The following THRB variants were observed in gnomAD, a reference collection of about 807,000 sequenced individuals.
THRB encodes the protein nuclear receptor subfamily 1 group A member 2.
In THRB, 12 loss-of-function variants were observed where a neutral mutation model predicts 47.8. The observed-to-expected ratio is 0.25, with a 90% confidence interval of 0.16 to 0.41. The LOEUF is 0.41. Among genes scored for constraint, THRB ranks in the 10% least tolerant of loss-of-function variants. The probability of loss-of-function intolerance (pLI) is 1.00; values close to 1 mark genes in which losing one functional copy is unlikely to be tolerated. For missense variants in THRB, 348 were observed against 589.2 expected, an observed-to-expected ratio of 0.59 and a Z score of 4.24; for synonymous variants, 218 against 212.2, an observed-to-expected ratio of 1.03 and a Z score of -0.24.
intron 8 of THRB, among the ~76,000 whole-genome samples, chr3:24,142,868 T>TA (rs2035621297): frequency 6.6e-6 from 1 of 152,192 alleles, no homozygotes; most frequent in African/African-American, 2.4e-5. Context: ...GAAGTCTGAA[T>TA]AAAAAATGAA....
chr3:24,316,767 C>T (rs1385246951), intron 2 of THRB, among the ~76,000 whole-genome samples: 2 of 152,130 alleles, frequency 1.3e-5, no homozygotes, highest in East Asian at 1.9e-4. Context: ...CCACCTTCCA[C>T]CAGTCCTATT....
chr3:24,402,449 C>G (rs2067483784), intron 1 of THRB, among the ~76,000 whole-genome samples: 2 of 149,092 alleles, frequency 1.3e-5, no homozygotes, highest in African/African-American at 2.5e-5. Context: ...TCTGATTTGA[C>G]ACTTAATTTG....
rs146863731 is a variant in THRB, at chr3:24,207,226, C to G, written c.23-16892G>C. On this transcript the variant is annotated intron_variant, in intron 4 of 10. Transcript: ENST00000646209. The stretch of plus-strand genomic sequence containing the variant: ...ATTTTAGACCAATATCCCTGATGAA[C>G]ATTGATGCAAAAATCCTCAATAAAA... Among the ~76,000 whole-genome samples, 1,276 of 152,294 alleles carry G rather than the reference C, an allele frequency of 8.4e-3. 18 individuals are homozygous for G. Among genetic ancestry groups the G allele is most frequent in the African/African-American group, 0.029 (1,187 of 41,564 alleles).
At chr3:24,306,630 T>TTC (rs1211186383) in intron 2 of THRB, among the ~76,000 whole-genome samples, 1 of 148,390 alleles carries the variant, frequency 6.7e-6, no homozygotes, top group Non-Finnish European at 1.5e-5. Context: ...GATCTCAGGT[T>TTC]TTTTTTTTCT....
chr3:24,135,986 A>G (rs2034622267), intron 8 of THRB, among the ~76,000 whole-genome samples: 1 of 151,824 alleles, frequency 6.6e-6, no homozygotes, highest in South Asian at 2.1e-4. Flanking sequence ...ATGAATACTG[A>G]TAGAGCTGAT....
intron 1 of THRB, among the ~76,000 whole-genome samples, chr3:24,366,621 CTTTTTTTTT>C (rs11389687): frequency 7.9e-6 from 1 of 125,850 alleles, no homozygotes; most frequent in Admixed American, 8.2e-5. Flanking sequence ...CAGCCTCTCA[CTTTTTTTTT>C]TTTTTTTTTG....
intron 1 of THRB, among the ~76,000 whole-genome samples, chr3:24,373,668 TG>T (rs745331012): frequency 6.6e-5 from 10 of 152,112 alleles, no homozygotes; most frequent in Non-Finnish European, 1.3e-4. Context: ...CATGAAAGGC[TG>T]AAAAAACTGT....
rs186181405 is a variant in THRB, at chr3:24,239,755, C to T, written c.-42-10754G>A. On this transcript the variant is annotated intron_variant, in intron 3 of 10. Coordinates refer to ENST00000646209, the MANE Select transcript of THRB (RefSeq NM_001354712.2). ...ATATTTAAATTTAGAATGTGTATTT[C>T]CTGCAATGTGATGGCTTGAATGCAT... is the stretch of plus-strand genomic sequence containing the variant. Among the ~76,000 whole-genome samples, 237 of 152,156 alleles carry T rather than the reference C, an allele frequency of 1.6e-3. 1 individual carries two copies. The highest frequency in any genetic ancestry group is 3.6e-3 in the Admixed American group (55 of 15,286).
chr3:24,158,658 G>C (rs1157406590), intron 5 of THRB, among the ~76,000 whole-genome samples: 2 of 152,186 alleles, frequency 1.3e-5, no homozygotes, highest in African/African-American at 4.8e-5. Context: ...TCGAAATCCT[G>C]ATCTCAGGTA....
intron 3 of THRB, among the ~76,000 whole-genome samples, chr3:24,253,539 A>G (rs2050884731): frequency 1.3e-5 from 2 of 152,222 alleles, no homozygotes; most frequent in African/African-American, 4.8e-5. Context: ...GTCAGGACAG[A>G]CAATGATAGC....
chr3:24,201,507 A>G (rs896339478), intron 4 of THRB, among the ~76,000 whole-genome samples: 1 of 152,230 alleles, frequency 6.6e-6, no homozygotes, highest in Admixed American at 6.5e-5. Flanking sequence ...TGTGACTCAC[A>G]TGCACATTAA....
Position 24,120,863 on chromosome 3 carries a change from C to G in THRB, c.*2021G>C, listed in dbSNP as rs2031552164. 6.6e-6 allele frequency: 1 copy of G among 152,110 alleles called. No individual in the cohort carries two copies. The highest frequency in any genetic ancestry group is 6.5e-5 in the Admixed American group (1 of 15,272). The allele number at this position is 152,110 out of a possible 1,614,324, so 9.4% of individuals were successfully genotyped here. A position where few individuals can be genotyped will look rare whatever the true frequency, so the allele number is the denominator to read the frequency against. On this transcript the variant is annotated 3_prime_UTR_variant, in exon 11 of 11. Transcript: ENST00000646209. ...GGGTAACAAGTTCCATAGCAATGTT[C>G]TTGTTTCCTTTTTCCCAGAAGCCAG...
intron 2 of THRB, among the ~76,000 whole-genome samples, chr3:24,301,568 T>C (rs984536763): frequency 6.6e-6 from 1 of 151,902 alleles, no homozygotes; most frequent in Non-Finnish European, 1.5e-5. Context: ...ACAGTATGCT[T>C]ATCTTTTTAT....
At chr3:24,151,181 T>C (rs1003269970) in intron 6 of THRB, among the ~76,000 whole-genome samples, 9 of 152,208 alleles carry the variant, frequency 5.9e-5, no homozygotes, top group Non-Finnish European at 1.2e-4. Context: ...AAATTACCCC[T>C]TTCCAATGGA....
chr3:24,371,455 T>C (rs1421525429), intron 1 of THRB, among the ~76,000 whole-genome samples: 1 of 152,152 alleles, frequency 6.6e-6, no homozygotes, highest in Non-Finnish European at 1.5e-5. Context: ...TGTATTATCT[T>C]ATTAATAATA....
intron 2 of THRB, among the ~76,000 whole-genome samples, chr3:24,319,945 C>A (rs1055740401): frequency 3.3e-5 from 5 of 152,298 alleles, no homozygotes; most frequent in African/African-American, 1.2e-4. Context: ...AGGGCAAAGA[C>A]ATCCACTGCT....
chr3:24,188,026 G>A (rs952199190), intron 5 of THRB, among the ~76,000 whole-genome samples: 1 of 152,120 alleles, frequency 6.6e-6, no homozygotes, highest in Non-Finnish European at 1.5e-5. Context: ...AGGATCTTGA[G>A]GAAGGACTTT....
intron 3 of THRB, among the ~76,000 whole-genome samples, chr3:24,272,504 A>T (rs921912201): frequency 2.2e-4 from 34 of 152,160 alleles, no homozygotes; most frequent in African/African-American, 7.7e-4. Flanking sequence ...TCTGAAAAAC[A>T]TTGCCAACAA....
At chr3:24,418,246 T>TA (rs60359598) in intron 1 of THRB, among the ~76,000 whole-genome samples, 61,961 of 144,870 alleles carry the variant, frequency 0.43, 13,452 homozygotes, top group Middle Eastern at 0.57. Context: ...GTATAGGGAT[T>TA]AAAAAAAAAA....
Sources: allele counts gnomAD v4.1 joint callset (sites outside exome capture counted in the v4.1 genomes callset), GRCh38; gene constraint gnomAD v4.1.1; transcripts MANE v1.5; gene names NCBI Gene and HGNC (gene_info 2026-07-23, HGNC 2026-07-21).